UACA: variants seen among roughly 807,000 people sequenced by gnomAD.
The protein encoded by UACA is uveal autoantigen with coiled-coil domains and ankyrin repeats.
Under a neutral mutation model 160.5 loss-of-function variants are expected in UACA, and 112 were observed. That is an observed-to-expected ratio of 0.70 (90% CI 0.60 to 0.82). UACA has a LOEUF of 0.82. Ranked by LOEUF, UACA falls within the 40% of genes least tolerant of loss-of-function variation. UACA has a pLI of 0.00. For synonymous variants in UACA, 557 were observed against 568.4 expected (o/e 0.98, Z 0.29); for missense variants, 1,574 against 1,614.6 (o/e 0.97, Z 0.43).
rs764865567 is a variant in UACA at position 70,699,560 on chromosome 15, T to C, written c.179A>G (p.Asn60Ser). Residue 60 changes from asparagine to serine, a missense_variant, in exon 2 of 19, where the codon AAT (asparagine) becomes AGT (serine). By Grantham distance (46) the Asn-to-Ser change is conservative (BLOSUM62 1). Transcript: ENST00000322954. ...GCCTTCCACATCTAGTTTGCCTGGA[T>C]TGACCCCCTTTTTAGCAAGGATTGA... ...VTSILAKKGV[N>S]PGKLDVEGRS... is the part of the protein sequence containing the mutation. 35 of 1,611,096 alleles carry C rather than the reference T, an allele frequency of 2.2e-5. No individual in the cohort carries two copies. The highest frequency in any genetic ancestry group is 1.6e-4 in the Middle Eastern group (1 of 6,078).
At chr15:70,710,168 T>G (rs1273478311) in intron 1 of UACA, among the ~76,000 whole-genome samples, 1 of 152,122 alleles carries the variant, frequency 6.6e-6, no homozygotes, top group African/African-American at 2.4e-5. Context: ...GGTGGGAGAA[T>G]CACCTAGTCC....
intron 1 of UACA, among the ~76,000 whole-genome samples, chr15:70,752,179 G>C (rs922080209): frequency 6.7e-6 from 1 of 150,260 alleles, no homozygotes; most frequent in Non-Finnish European, 1.5e-5. Context: ...CAGAGGTTGC[G>C]GCGAGCCAAG....
chr15:70,727,109 A>C (rs1470621038), intron 1 of UACA, among the ~76,000 whole-genome samples: 1 of 152,238 alleles, frequency 6.6e-6, no homozygotes, highest in Non-Finnish European at 1.5e-5. Context: ...AAAAATATGC[A>C]GCTTTTTCTT....
the UACA span, among the ~76,000 whole-genome samples, chr15:70,769,271 G>A: frequency 2.5e-4 from 38 of 149,452 alleles, no homozygotes; most frequent in African/African-American, 8.6e-4. Context: ...CCCAGGAGGC[G>A]GAGCTTGCAG....
At position 70,667,226 on chromosome 15, in the gene UACA, T is replaced by G; in HGVS notation, c.3458A>C (p.His1153Pro). Reference sequence around the variant, plus strand: ...GTTCTTTTGATTCTCCAACAATTGATGCAGTTTGGTCACTGTCTGCTGCTC... The same window carrying G: ...GTTCTTTTGATTCTCCAACAATTGAGGCAGTTTGGTCACTGTCTGCTGCTC... ...EKEQQTVTKL[H>P]QLLENQKNSS... The change falls in exon 16 of 19, where the codon CAT becomes CCT. Residue 1153 changes from histidine to proline, a missense_variant. Coordinates refer to ENST00000322954, the MANE Select transcript of UACA (RefSeq NM_018003.4). 3 of 1,614,004 alleles carry G rather than the reference T, an allele frequency of 1.9e-6. No individual in the cohort carries two copies. The highest frequency in any genetic ancestry group is 8.5e-7 in the Non-Finnish European group (1 of 1,179,976).
At position 70,763,297 on chromosome 15, in the gene UACA, G is replaced by C. The variant is rs1008716933; in HGVS notation, c.78+33C>G. 4 of 1,320,906 alleles carry C rather than the reference G, an allele frequency of 3.0e-6. No homozygotes were observed. The Admixed American group carries it at 1.3e-4, about 41-fold the overall frequency. 81.8% of individuals were successfully genotyped at this position (1,320,906 alleles called of 1,614,324 possible). Reference sequence around the variant, plus strand: ...AGGAGGGCTGCGCTGCTCCCGGAGCGGAGCGCCTCGCAGCCCGGACCGCGG... The same window carrying C: ...AGGAGGGCTGCGCTGCTCCCGGAGCCGAGCGCCTCGCAGCCCGGACCGCGG... On this transcript the variant is annotated intron_variant, in intron 1 of 18. Transcript: ENST00000322954.
intron 10 of UACA, among the ~76,000 whole-genome samples, chr15:70,678,752 T>G (rs1897374881): frequency 6.6e-6 from 1 of 152,192 alleles, no homozygotes; most frequent in South Asian, 2.1e-4. Context: ...TTATGGGTCC[T>G]TCCTCTAAAA....
intron 2 of UACA, among the ~76,000 whole-genome samples, chr15:70,699,016 C>T (rs1898232489): frequency 6.6e-6 from 1 of 152,168 alleles, no homozygotes; most frequent in Admixed American, 6.5e-5. Context: ...ATCCTGCCTC[C>T]TTTCTGCTCT....
chr15:70,701,919 C>G (rs1898378546), intron 1 of UACA: 19 of 1,613,320 alleles, frequency 1.2e-5, no homozygotes, highest in Non-Finnish European at 1.5e-5. Context: ...TCATCATAGA[C>G]AGGATTTAGT....
At chr15:70,691,162 G>T in intron 4 of UACA, 137 bp downstream of exon 4, 1 of 556,916 alleles carries the variant, frequency 1.8e-6, no homozygotes. Flanking sequence ...CTTCACAAAT[G>T]ATGGAAAAAA....
chr15:70,773,762 C>G, the UACA span, among the ~76,000 whole-genome samples: 1 of 152,116 alleles, frequency 6.6e-6, no homozygotes, highest in Non-Finnish European at 1.5e-5. Context: ...AATTTGAGGA[C>G]AGATAAGAAG....
rs772299860 is a variant in UACA, at chr15:70,666,863, T to A, written c.3821A>T (p.Glu1274Val). 5.6e-6 allele frequency: 9 copies of A among 1,614,012 alleles called. No homozygotes were observed. The highest frequency in any genetic ancestry group is 2.2e-5 in the East Asian group (1 of 44,870). Residue 1274 changes from glutamate to valine, a missense_variant, in exon 16 of 19, where the codon GAG becomes GTG. Glu to Val is a moderately radical substitution (Grantham distance 121). Coordinates refer to ENST00000322954, the MANE Select transcript of UACA (RefSeq NM_018003.4). ...AKKKEISAKD[E>V]KELLHFSIEQ... is the part of the protein sequence containing the mutation. The stretch of plus-strand genomic sequence containing the variant: ...AATGCTGAAATGCAGTAATTCCTTC[T>A]CATCTTTTGCAGATATTTCCTTCTT...
At chr15:70,671,751 G>A (rs1897146959) in intron 14 of UACA, 2 of 346,694 alleles carry the variant, frequency 5.8e-6, no homozygotes, top group Admixed American at 9.5e-5. Flanking sequence ...TTAAAATACA[G>A]GTAGCTAAGG....
At chr15:70,686,061 T>C (rs1235995769) in intron 7 of UACA, among the ~76,000 whole-genome samples, 1 of 151,932 alleles carries the variant, frequency 6.6e-6, no homozygotes, top group African/African-American at 2.4e-5. Context: ...ATTTTCTTCA[T>C]CATGCTTGGA....
intron 17 of UACA, among the ~76,000 whole-genome samples, chr15:70,664,252 G>A (rs1566961039): frequency 6.6e-6 from 1 of 152,110 alleles, no homozygotes; most frequent in South Asian, 2.1e-4. Flanking sequence ...ACCTCCTTTA[G>A]TTTAGTGGAC....
chr15:70,694,785 C>T (rs1207529709), intron 3 of UACA, among the ~76,000 whole-genome samples: 1 of 152,112 alleles, frequency 6.6e-6, no homozygotes, highest in Non-Finnish European at 1.5e-5. Flanking sequence ...AGGACCTGCA[C>T]TAGAATTCAG....
Position 70,721,724 on chromosome 15 carries a change from C to G in UACA, c.79-22064G>C, listed in dbSNP as rs1363500842. On this transcript the variant is annotated intron_variant, in intron 1 of 18. Coordinates refer to ENST00000322954, the MANE Select transcript of UACA (RefSeq NM_018003.4). The stretch of plus-strand genomic sequence containing the variant: ...CTATAATCAACACAGGCTTTTATTA[C>G]CATCTTCATAAAAAGAAAAGAAACT... Among the ~76,000 whole-genome samples, 3 of 152,164 alleles carry G rather than the reference C, an allele frequency of 2.0e-5. 1 individual carries two copies. The Middle Eastern group carries it at 0.01, about 518-fold the overall frequency.
the UACA span, among the ~76,000 whole-genome samples, chr15:70,775,327 A>C: frequency 2.6e-5 from 4 of 152,164 alleles, no homozygotes; most frequent in Non-Finnish European, 5.9e-5. Context: ...AATTCTTGAA[A>C]ATCTACCAGT....
At chr15:70,691,559 G>C (rs1897936559) in intron 3 of UACA, among the ~76,000 whole-genome samples, 196 bp from the exon 4 acceptor site, 1 of 152,018 alleles carries the variant, frequency 6.6e-6, no homozygotes, top group Non-Finnish European at 1.5e-5. Flanking sequence ...AAACAATGAA[G>C]GTAGAAAGAA....
Sources: gnomAD v4.1 joint callset for allele counts (sites outside exome capture counted in the v4.1 genomes callset) on GRCh38, gnomAD v4.1.1 for gene constraint, MANE v1.5 for transcripts, NCBI Gene and HGNC (gene_info 2026-07-23, HGNC 2026-07-21) for gene names.